The following DCT variants were observed in gnomAD, a reference collection of about 807,000 sequenced individuals.
The protein encoded by DCT is dopachrome tautomerase.
DCT carries 47 observed loss-of-function variants against 53.0 expected under a neutral mutation model. The ratio of observed to expected loss-of-function variants is 0.89; its 90% CI spans 0.70 to 1.13. The LOEUF (loss-of-function observed/expected upper bound fraction) is 1.13. Ranked by LOEUF, DCT falls within the 50% of genes most tolerant of loss-of-function variation. The pLI is 0.00. For synonymous variants in DCT, 244 were observed against 237.0 expected (o/e 1.03, Z -0.27); for missense variants, 669 against 637.4 (o/e 1.05, Z -0.53).
the DCT span, among the ~76,000 whole-genome samples, chr13:94,520,255 T>C: frequency 6.7e-3 from 1,024 of 152,306 alleles, 11 homozygotes; most frequent in African/African-American, 0.024. Context: ...CTGCAAATGG[T>C]CTCTTAGCCA....
chr13:94,468,407 G>T, intron 2 of DCT: 1 of 228,610 alleles, frequency 4.4e-6, no homozygotes, highest in Non-Finnish European at 8.7e-6. Context: ...TCCATGGCCA[G>T]ATTCGCAAAT....
At chr13:94,464,597 G>A (rs1383708604) in intron 4 of DCT, among the ~76,000 whole-genome samples, 3 of 151,752 alleles carry the variant, frequency 2.0e-5, no homozygotes, top group African/African-American at 4.8e-5. Flanking sequence ...CCGAGATCAC[G>A]TCACTGCACT....
chr13:94,499,520 C>T, the DCT span, among the ~76,000 whole-genome samples: 1 of 151,870 alleles, frequency 6.6e-6, no homozygotes, highest in Admixed American at 6.6e-5. Flanking sequence ...CTGTTGATGG[C>T]AGTATAAAAG....
chr13:94,466,764 T>C (rs1884253306), intron 2 of DCT, 106 bp from the exon 3 acceptor site: 1 of 578,798 alleles, frequency 1.7e-6, no homozygotes, highest in South Asian at 4.4e-5. Flanking sequence ...TGATGTTTTA[T>C]AGTAGTAAGA....
intron 6 of DCT, 89 bp downstream of exon 6, chr13:94,460,002 T>C: frequency 7.4e-7 from 1 of 1,344,738 alleles, no homozygotes; most frequent in South Asian, 1.2e-5. Flanking sequence ...ACACAGAGAA[T>C]AAAACACCAT....
intron 1 of DCT, among the ~76,000 whole-genome samples, chr13:94,470,086 AAAG>A (rs563092573): frequency 3.1e-3 from 465 of 152,192 alleles, no homozygotes; most frequent in Admixed American, 4.8e-3. Flanking sequence ...AAAAGAAAGA[AAAG>A]AAAGAAAGAA....
chr13:94,458,623 G>A (rs368722679), intron 6 of DCT, among the ~76,000 whole-genome samples: 1 of 152,002 alleles, frequency 6.6e-6, no homozygotes, highest in East Asian at 1.9e-4. Context: ...CCAATATGGT[G>A]AAACCTTGTC....
intron 1 of DCT, among the ~76,000 whole-genome samples, chr13:94,474,749 C>T (rs1173727355): frequency 6.6e-6 from 1 of 152,154 alleles, no homozygotes; most frequent in Non-Finnish European, 1.5e-5. Flanking sequence ...CAATTTATCC[C>T]TACAGAGACT....
At chr13:94,533,979 A>T in the DCT span, among the ~76,000 whole-genome samples, 1 of 152,108 alleles carries the variant, frequency 6.6e-6, no homozygotes, top group Non-Finnish European at 1.5e-5. Flanking sequence ...GTACACTTTG[A>T]GTGTAGGTTG....
the DCT span, among the ~76,000 whole-genome samples, chr13:94,511,311 T>C: frequency 6.6e-6 from 1 of 151,276 alleles, no homozygotes. Context: ...GCTCTCTTCC[T>C]GGAAGGCTGT....
intron 1 of DCT, among the ~76,000 whole-genome samples, chr13:94,472,297 G>A (rs2139361225): frequency 6.6e-6 from 1 of 151,822 alleles, no homozygotes; most frequent in African/African-American, 2.4e-5. Flanking sequence ...CACTGACAGT[G>A]AGGGAGATGT....
At chr13:94,522,316 A>T in the DCT span, among the ~76,000 whole-genome samples, 5 of 152,078 alleles carry the variant, frequency 3.3e-5, no homozygotes, top group African/African-American at 1.2e-4. Flanking sequence ...GAAAGGAGGG[A>T]CTGACCTAGC....
chr13:94,495,648 T>C, the DCT span, among the ~76,000 whole-genome samples: 1 of 152,204 alleles, frequency 6.6e-6, no homozygotes, highest in African/African-American at 2.4e-5. Flanking sequence ...TTTTGGAAGA[T>C]GTCATGACAC....
At chr13:94,547,675 T>G in the DCT span, among the ~76,000 whole-genome samples, 1 of 151,752 alleles carries the variant, frequency 6.6e-6, no homozygotes, top group African/African-American at 2.4e-5. Context: ...CTGGTGGCAC[T>G]CCTGTTAAAT....
chr13:94,442,481 T>G (rs1882396761), intron 7 of DCT, among the ~76,000 whole-genome samples: 1 of 152,244 alleles, frequency 6.6e-6, no homozygotes, highest in African/African-American at 2.4e-5. Flanking sequence ...TAATATTATT[T>G]GAATTTTAGC....
Position 94,439,947 on chromosome 13 carries a change from G to A in DCT, c.1511C>T (p.Pro504Leu), listed in dbSNP as rs762753235. The A allele has an allele frequency of 2.5e-6, 4 of 1,613,736 alleles. No individual in the cohort carries two copies. In the Admixed American group the frequency reaches 6.7e-5, roughly 27 times the overall value. ...QYRRLRKGYT[P>L]LMETHLSSKR... ...GCTGCTTAAATGTGTCTCCATTAGG[G>A]GTGTATATCCTTTTCGAAGTCTTCT... The change falls in exon 8 of 8, where the codon CCC becomes CTC. Residue 504 changes from proline to leucine, a missense_variant. Pro to Leu is a moderately conservative substitution (Grantham distance 98). Coordinates refer to ENST00000377028, the MANE Select transcript of DCT (RefSeq NM_001922.5).
At chr13:94,474,168 T>C (rs544073540) in intron 1 of DCT, among the ~76,000 whole-genome samples, 36 of 152,250 alleles carry the variant, frequency 2.4e-4, no homozygotes, top group African/African-American at 8.4e-4. Flanking sequence ...CTAGATAATA[T>C]CAATCTATCG....
At chr13:94,483,385 G>T (rs1885528420), upstream of DCT, among the ~76,000 whole-genome samples, 1 of 151,206 alleles carries the variant, frequency 6.6e-6, no homozygotes, top group Non-Finnish European at 1.5e-5. Flanking sequence ...AAAAGCCTTT[G>T]GTAACCCAGT....
chr13:94,461,824 A>T (rs1408977583), intron 5 of DCT, among the ~76,000 whole-genome samples, 186 bp downstream of exon 5: 1 of 152,158 alleles, frequency 6.6e-6, no homozygotes, highest in Non-Finnish European at 1.5e-5. Context: ...CCACATTGTT[A>T]GTCATAGTAG....
Sources: gnomAD v4.1 joint callset for allele counts (sites outside exome capture counted in the v4.1 genomes callset) on GRCh38, gnomAD v4.1.1 for gene constraint, MANE v1.5 for transcripts, NCBI Gene and HGNC (gene_info 2026-07-23, HGNC 2026-07-21) for gene names.